The following CTNNA3 variants were observed in gnomAD, a reference collection of about 807,000 sequenced individuals.
CTNNA3 encodes the protein catenin alpha 3, also known as catenin alpha-3.
Under a neutral mutation model 95.7 loss-of-function variants are expected in CTNNA3, and 76 were observed. The ratio of observed to expected loss-of-function variants is 0.79; its 90% CI spans 0.66 to 0.96. CTNNA3 has a LOEUF of 0.96. CTNNA3 is among the 40% of genes least tolerant of loss of function. CTNNA3 has a pLI of 0.00. For synonymous variants in CTNNA3, 431 were observed against 374.4 expected (o/e 1.15, Z -1.74); for missense variants, 1,191 against 1,089.8 (o/e 1.09, Z -1.31).
intron 12 of CTNNA3, among the ~76,000 whole-genome samples, chr10:66,378,652 C>A (rs182784629): frequency 6.6e-6 from 1 of 152,116 alleles, no homozygotes; most frequent in Non-Finnish European, 1.5e-5. Flanking sequence ...AGAGTGGTTC[C>A]ACATTTCTTA....
At chr10:66,926,804 G>A in intron 7 of CTNNA3, 2 of 998,028 alleles carry the variant, frequency 2.0e-6, no homozygotes, top group Non-Finnish European at 2.9e-6. Context: ...AATATGTGAT[G>A]TTAAGTGTTA....
intron 7 of CTNNA3, among the ~76,000 whole-genome samples, chr10:66,967,871 T>A (rs1454459242): frequency 6.6e-6 from 1 of 152,086 alleles, no homozygotes; most frequent in Non-Finnish European, 1.5e-5. Context: ...AATAGGTTCT[T>A]AGAAGGGAGG....
chr10:66,125,638 T>G (rs1002598673), intron 13 of CTNNA3, among the ~76,000 whole-genome samples: 3 of 152,326 alleles, frequency 2.0e-5, no homozygotes, highest in Middle Eastern at 3.4e-3. Context: ...ACAGAGATGT[T>G]CATGCTTAGA....
intron 15 of CTNNA3, among the ~76,000 whole-genome samples, chr10:66,009,313 A>G (rs1294516152): frequency 6.6e-6 from 1 of 152,154 alleles, no homozygotes; most frequent in Non-Finnish European, 1.5e-5. Flanking sequence ...TATTTTATAA[A>G]AAAATTAAAA....
chr10:66,745,937 G>A (rs967644264), intron 9 of CTNNA3, among the ~76,000 whole-genome samples: 18 of 151,906 alleles, frequency 1.2e-4, no homozygotes, highest in African/African-American at 4.4e-4. Flanking sequence ...TAACATAGCT[G>A]GGAAGAAAAG....
At chr10:66,378,261 T>A (rs1419945359) in intron 12 of CTNNA3, among the ~76,000 whole-genome samples, 2 of 152,220 alleles carry the variant, frequency 1.3e-5, no homozygotes, top group Non-Finnish European at 1.5e-5. Context: ...ACAATGTGCA[T>A]ATCAAATTTC....
intron 13 of CTNNA3, among the ~76,000 whole-genome samples, chr10:66,240,247 A>G (rs74995764): frequency 0.024 from 3,722 of 152,186 alleles, 101 homozygotes; most frequent in African/African-American, 0.066. Flanking sequence ...AAATAAATCA[A>G]TAACATTTCA....
chr10:66,709,825 A>G (rs918534397), intron 9 of CTNNA3, among the ~76,000 whole-genome samples: 2 of 152,092 alleles, frequency 1.3e-5, no homozygotes, highest in Non-Finnish European at 1.5e-5. Context: ...ACCAACAAAC[A>G]TGGCTGATTA....
intron 16 of CTNNA3, among the ~76,000 whole-genome samples, chr10:65,975,443 G>A (rs1403281102): frequency 2.6e-5 from 4 of 152,008 alleles, no homozygotes; most frequent in Admixed American, 6.6e-5. Context: ...AGAGGAGGAA[G>A]AACAATAGTT....
At chr10:66,550,341 T>C (rs887105851) in intron 10 of CTNNA3, among the ~76,000 whole-genome samples, 5 of 152,240 alleles carry the variant, frequency 3.3e-5, no homozygotes, top group African/African-American at 1.2e-4. Context: ...ATACTTGAAG[T>C]AGCTTAGAGT....
chr10:67,466,289 G>A (rs1847592373), intron 5 of CTNNA3, among the ~76,000 whole-genome samples: 1 of 152,016 alleles, frequency 6.6e-6, no homozygotes, highest in East Asian at 1.9e-4. Flanking sequence ...TCAAAGTTGT[G>A]CCACAAAATT....
chr10:67,463,800 A>G (rs1332269209), intron 5 of CTNNA3, among the ~76,000 whole-genome samples: 2 of 152,212 alleles, frequency 1.3e-5, no homozygotes, highest in Non-Finnish European at 2.9e-5. Flanking sequence ...ACAGCCATAG[A>G]CAATACATTT....
chr10:66,413,251 C>T (rs563326179), intron 11 of CTNNA3, among the ~76,000 whole-genome samples: 156 of 152,120 alleles, frequency 1.0e-3, no homozygotes, highest in African/African-American at 3.6e-3. Context: ...TATTGGCACC[C>T]CTTGAGAACT....
At chr10:67,639,747 G>A (rs1037776002) in intron 2 of CTNNA3, among the ~76,000 whole-genome samples, 2 of 152,046 alleles carry the variant, frequency 1.3e-5, no homozygotes, top group Admixed American at 6.6e-5. Flanking sequence ...CAGAACCAAC[G>A]ACAAAAACCA....
intron 11 of CTNNA3, among the ~76,000 whole-genome samples, chr10:66,416,041 T>TA (rs1324582376): frequency 2.0e-5 from 3 of 151,940 alleles, no homozygotes; most frequent in Admixed American, 6.6e-5. Context: ...AAGAGAATTC[T>TA]AAAAAAACAA....
chr10:66,546,731 T>A (rs1325808465), intron 10 of CTNNA3, among the ~76,000 whole-genome samples: 1 of 152,150 alleles, frequency 6.6e-6, no homozygotes, highest in African/African-American at 2.4e-5. Flanking sequence ...GAAGCCACCC[T>A]CATGATACAA....
intron 5 of CTNNA3, among the ~76,000 whole-genome samples, chr10:67,325,458 ACTT>A (rs1347971508): frequency 1.3e-5 from 2 of 152,298 alleles, no homozygotes; most frequent in South Asian, 4.1e-4. Flanking sequence ...GTTTCAAAGA[ACTT>A]CTTAGTTTCT....
intron 7 of CTNNA3, among the ~76,000 whole-genome samples, chr10:66,828,771 G>A (rs1842604878): frequency 6.6e-6 from 1 of 152,134 alleles, no homozygotes; most frequent in South Asian, 2.1e-4. Flanking sequence ...CCTACCACTT[G>A]GAGAGTCATA....
At chr10:66,060,662 G>T (rs1684055349) in intron 15 of CTNNA3, among the ~76,000 whole-genome samples, 4 of 151,964 alleles carry the variant, frequency 2.6e-5, no homozygotes, top group Admixed American at 2.6e-4. Flanking sequence ...TGAAGAGAGG[G>T]ACTGAAAAAG....
Sources: gnomAD v4.1 joint callset for allele counts (sites outside exome capture counted in the v4.1 genomes callset) on GRCh38, gnomAD v4.1.1 for gene constraint, MANE v1.5 for transcripts, NCBI Gene and HGNC (gene_info 2026-07-23, HGNC 2026-07-21) for gene names.